The following HIVEP3 variants were observed in gnomAD, a reference collection of about 807,000 sequenced individuals.
The protein encoded by HIVEP3 is HIVEP zinc finger 3.
In HIVEP3, 49 loss-of-function variants were observed where a neutral mutation model predicts 152.8. The observed-to-expected ratio is 0.32, with a 90% CI of 0.26 to 0.41. The LOEUF is 0.41. Ranked by LOEUF, HIVEP3 falls within the 10% of genes least tolerant of loss-of-function variation. The pLI, the probability that HIVEP3 is intolerant of heterozygous loss-of-function variation, is 1.00. For missense variants in HIVEP3, 2,790 were observed against 3,103.3 expected (o/e 0.90, Z 2.40); for synonymous variants, 1,269 against 1,289.0 (o/e 0.98, Z 0.33).
At position 41,742,241 on chromosome 1, in the gene HIVEP3, T is replaced by C. The variant is rs76504577; in HGVS notation, c.-800-41246A>G. Reference sequence around the variant, plus strand: ...TGCCATCTATCTGTCCAACCGTCTATCCATCCATCTGTCCATTATTCCATC... The same window carrying C: ...TGCCATCTATCTGTCCAACCGTCTACCCATCCATCTGTCCATTATTCCATC... On this transcript the variant is annotated intron_variant, in intron 1 of 8. Transcript: ENST00000372583. 3.6e-3 allele frequency among the ~76,000 whole-genome samples: 552 copies of C among 152,224 alleles called. 3 individuals are homozygous for C. The highest frequency in any genetic ancestry group is 0.013 in the African/African-American group (533 of 41,532).
chr1:42,027,126 A>T (rs751621994), intron 1 of HIVEP3, among the ~76,000 whole-genome samples: 3 of 152,196 alleles, frequency 2.0e-5, no homozygotes, highest in Admixed American at 1.3e-4. Flanking sequence ...AGACAAGTTG[A>T]AATGCCACCA....
intron 1 of HIVEP3, among the ~76,000 whole-genome samples, chr1:41,885,059 C>A (rs1321717554): frequency 6.6e-6 from 1 of 152,204 alleles, no homozygotes; most frequent in Non-Finnish European, 1.5e-5. Context: ...CCTTATTATA[C>A]AAGCTCTGCA....
intron 2 of HIVEP3, among the ~76,000 whole-genome samples, chr1:41,633,235 T>C (rs1645221825): frequency 6.6e-6 from 1 of 151,984 alleles, no homozygotes; most frequent in Non-Finnish European, 1.5e-5. Flanking sequence ...AGGAGAAATG[T>C]GCAAATAAGA....
At chr1:41,515,091 T>G (rs1033253184) in intron 7 of HIVEP3, among the ~76,000 whole-genome samples, 2 of 152,194 alleles carry the variant, frequency 1.3e-5, no homozygotes, top group African/African-American at 2.4e-5. Flanking sequence ...AGAGTGAGGT[T>G]GCTGACAGGT....
intron 1 of HIVEP3, among the ~76,000 whole-genome samples, chr1:41,759,616 A>C (rs1464924096): frequency 6.6e-6 from 1 of 152,210 alleles, no homozygotes; most frequent in Admixed American, 6.5e-5. Flanking sequence ...AGGAACCTCC[A>C]AAAGGTTTTC....
chr1:41,702,948 T>C (rs978261598), intron 1 of HIVEP3, among the ~76,000 whole-genome samples: 1 of 150,320 alleles, frequency 6.7e-6, no homozygotes, highest in African/African-American at 2.5e-5. Flanking sequence ...TTCATTCGTT[T>C]ATTCATCACA....
Position 41,582,274 on chromosome 1 carries a change from A to T in HIVEP3, c.2524T>A (p.Ser842Thr). The change falls in exon 4 of 9, where the codon TCC (serine) becomes ACC (threonine). Residue 842 changes from serine (S) to threonine (T), a missense_variant. Physicochemically the swap from Ser to Thr is moderately conservative, Grantham distance 58 (BLOSUM62 1). Around this residue, in one of 9 missense-constraint regions of HIVEP3, gnomAD observed 1,078 missense variants for 1,165.3 expected, o/e 0.93. Transcript: ENST00000372583. This position sits in a 1 kb window ranked among gnomAD's most constrained non-coding sequence, Gnocchi z 4.7. ...PPAPHGRSAH[S>T]LQPKLVRQPN... ...TGGCGGACCAACTTAGGCTGCAGGG[A>T]GTGAGCAGAGCGTCCGTGTGGGGCA... 6.2e-7 allele frequency: 1 copy of T among 1,614,014 alleles called. No individual in the cohort carries two copies. The highest frequency in any genetic ancestry group is 8.5e-7 in the Non-Finnish European group (1 of 1,179,950).
At chr1:41,607,654 G>A (rs930707728) in intron 3 of HIVEP3, among the ~76,000 whole-genome samples, 28 of 150,728 alleles carry the variant, frequency 1.9e-4, no homozygotes, top group Admixed American at 1.6e-3. Context: ...TGCTTCCAAT[G>A]TTTGGTGATT....
chr1:41,997,660 A>C (rs1645403721), intron 1 of HIVEP3, among the ~76,000 whole-genome samples: 1 of 152,246 alleles, frequency 6.6e-6, no homozygotes, highest in Non-Finnish European at 1.5e-5. Flanking sequence ...TAATTCTCTA[A>C]GGACCAAAAC....
chr1:41,967,872 C>A (rs890584639), intron 1 of HIVEP3, among the ~76,000 whole-genome samples: 1 of 152,080 alleles, frequency 6.6e-6, no homozygotes, highest in Non-Finnish European at 1.5e-5. Flanking sequence ...ATCACAGACC[C>A]CACAAAAATA....
At chr1:41,982,856 T>C (rs1451969927) in intron 1 of HIVEP3, among the ~76,000 whole-genome samples, 3 of 152,234 alleles carry the variant, frequency 2.0e-5, no homozygotes, top group African/African-American at 7.2e-5. Flanking sequence ...TAATAAATGT[T>C]AGTTGAATGA....
intron 1 of HIVEP3, among the ~76,000 whole-genome samples, chr1:41,978,044 A>G (rs1645270128): frequency 1.3e-5 from 2 of 152,266 alleles, no homozygotes; most frequent in Non-Finnish European, 2.9e-5. Context: ...GTGTCTGCCA[A>G]TACTTTTTAT....
chr1:41,983,169 C>T (rs1052458871), intron 1 of HIVEP3, among the ~76,000 whole-genome samples: 2 of 152,210 alleles, frequency 1.3e-5, no homozygotes, highest in Admixed American at 6.5e-5. Context: ...GCTGTGCAGC[C>T]CAGTTCCTAA....
chr1:41,874,034 A>G (rs2124417241), intron 1 of HIVEP3, among the ~76,000 whole-genome samples: 1 of 152,360 alleles, frequency 6.6e-6, no homozygotes, highest in South Asian at 2.1e-4. Context: ...CTGCTGGGCC[A>G]GCACAGCCAT....
chr1:41,951,879 A>G (rs145564879), intron 1 of HIVEP3, among the ~76,000 whole-genome samples: 1 of 152,296 alleles, frequency 6.6e-6, no homozygotes, highest in Admixed American at 6.5e-5. Flanking sequence ...GGGGAGTACA[A>G]TTCAAGATGA....
In HIVEP3 at chr1:41,511,146, T is replaced by C; in HGVS notation, c.6526A>G (p.Ile2176Val). 2 of 1,614,058 alleles carry C rather than the reference T, an allele frequency of 1.2e-6. No individual in the cohort carries two copies. The highest frequency in any genetic ancestry group is 1.7e-6 in the Non-Finnish European group (2 of 1,180,002). ...GHILARTEENIFSHLPLHSQH... is the reference protein window; with the variant it reads ...GHILARTEENVFSHLPLHSQH... Reference sequence around the variant, plus strand: ...GAGTGCAGAGGCAGGTGGCTGAAGATGTTCTCCTCTGTCCGGGCCAGGATG... The same window carrying C: ...GAGTGCAGAGGCAGGTGGCTGAAGACGTTCTCCTCTGTCCGGGCCAGGATG... Residue 2176 changes from isoleucine to valine, a missense_variant, in exon 9 of 9, where the codon ATC (isoleucine) becomes GTC (valine). Coordinates refer to ENST00000372583, the MANE Select transcript of HIVEP3 (RefSeq NM_024503.5). This position sits in a 1 kb window ranked among gnomAD's most constrained non-coding sequence, Gnocchi z 4.9.
chr1:41,630,587 C>A (rs1310234476), intron 2 of HIVEP3, among the ~76,000 whole-genome samples: 1 of 152,110 alleles, frequency 6.6e-6, no homozygotes, highest in Non-Finnish European at 1.5e-5. Flanking sequence ...GACAGCAACC[C>A]CGGCTGATGA....
intron 1 of HIVEP3, among the ~76,000 whole-genome samples, chr1:41,980,204 A>T (rs1286104986): frequency 6.6e-6 from 1 of 152,250 alleles, no homozygotes; most frequent in Non-Finnish European, 1.5e-5. Context: ...GGAATTCCCT[A>T]GTAAGTATCT....
chr1:41,849,603 C>T (rs1224578596), intron 1 of HIVEP3, among the ~76,000 whole-genome samples: 1 of 152,154 alleles, frequency 6.6e-6, no homozygotes, highest in Non-Finnish European at 1.5e-5. Flanking sequence ...GCTGAATAAA[C>T]ATCTTATTGC....
Sources: allele counts gnomAD v4.1 joint callset (sites outside exome capture counted in the v4.1 genomes callset), GRCh38; gene constraint gnomAD v4.1.1; regional missense constraint gnomAD v4.1.1; non-coding constraint Gnocchi (gnomAD v3.1); transcripts MANE v1.5; gene names NCBI Gene and HGNC (gene_info 2026-07-23, HGNC 2026-07-21).